The following PARVB variants were observed in gnomAD, a reference collection of about 807,000 sequenced individuals.
The protein encoded by PARVB is parvin beta, also known as beta-parvin.
A neutral mutation model predicts 47.0 loss-of-function variants in PARVB; 46 were observed. The ratio of observed to expected loss-of-function variants is 0.98; its 90% CI spans 0.77 to 1.25. The LOEUF is 1.25. Ranked by LOEUF, PARVB falls within the 50% of genes most tolerant of loss-of-function variation. PARVB has a pLI of 0.00. For synonymous variants in PARVB, 196 were observed against 196.3 expected, an observed-to-expected ratio of 1.00 and a Z score of 0.01; for missense variants, 473 against 471.6, an observed-to-expected ratio of 1.00 and a Z score of -0.03.
At chr22:44,111,212 TA>T (rs2052688780) in intron 3 of PARVB, 1 of 152,212 alleles carries the variant, frequency 6.6e-6, no homozygotes, top group Admixed American at 6.5e-5. Context: ...CCGGGTCATA[TA>T]GTGTGCACAG....
intron 1 of PARVB, among the ~76,000 whole-genome samples, chr22:44,076,137 C>T (rs1336407895): frequency 1.3e-5 from 2 of 152,224 alleles, no homozygotes; most frequent in East Asian, 3.9e-4. Context: ...GCGCTCAGCC[C>T]CTCAATGCTA....
intron 7 of PARVB, among the ~76,000 whole-genome samples, chr22:44,137,098 C>G (rs2053455639): frequency 6.6e-6 from 1 of 152,256 alleles, no homozygotes; most frequent in Non-Finnish European, 1.5e-5. Flanking sequence ...TGCCTCTTGA[C>G]TAAACCTGTT....
At position 44,103,769 on chromosome 22, in the gene PARVB, T is replaced by C. The variant is rs1026293000; in HGVS notation, c.273+3646T>C. On this transcript the variant is annotated intron_variant, in intron 3 of 12. Transcript: ENST00000338758. This position sits in a 1 kb window ranked among gnomAD's most constrained non-coding sequence, Gnocchi z 4.6. ...GAGGCAAGGTGGTAGCTTCTGGCTC[T>C]GAAGATGGAAGAAGGGGCCATGCAC... The C allele has an allele frequency of 6.6e-6, 1 of 152,226 alleles. No homozygotes were observed. The highest frequency in any genetic ancestry group is 2.4e-5 in the African/African-American group (1 of 41,452). 9.4% of individuals were successfully genotyped at this position (152,226 alleles called of 1,614,324 possible).
chr22:44,151,998 A>G (rs2053820974), intron 10 of PARVB: 2 of 173,396 alleles, frequency 1.2e-5, no homozygotes. Flanking sequence ...CTCTGTGTCC[A>G]AATGTCCCCC....
intron 12 of PARVB, among the ~76,000 whole-genome samples, chr22:44,164,960 A>G (rs937253697): frequency 6.6e-6 from 1 of 151,748 alleles, no homozygotes; most frequent in African/African-American, 2.4e-5. Flanking sequence ...TCACAGGACA[A>G]TTTCACACCC....
Position 44,168,706 on chromosome 22 carries a change from T to C in PARVB, c.*28T>C. The C allele has an allele frequency of 2.0e-6, 3 of 1,502,906 alleles. No individual in the cohort carries two copies. The highest frequency in any genetic ancestry group is 2.8e-6 in the Non-Finnish European group (3 of 1,079,352). The allele number at this position is 1,502,906 out of a possible 1,614,324, so 93.1% of individuals were successfully genotyped here. A position where few individuals can be genotyped will look rare whatever the true frequency, so the allele number is the denominator to read the frequency against. On this transcript the variant is annotated 3_prime_UTR_variant, in exon 13 of 13. Transcript: ENST00000338758. ...GGGGAGCTGTGGATGGTGGCAGGAG[T>C]GTCCCAGCAAGAAAGGCGGCATCCG...
At chr22:44,157,327 C>T (rs1271301553) in intron 10 of PARVB, among the ~76,000 whole-genome samples, 1 of 152,186 alleles carries the variant, frequency 6.6e-6, no homozygotes, top group Non-Finnish European at 1.5e-5. Flanking sequence ...CACGACAGCC[C>T]TGAATGATGG....
intron 3 of PARVB, chr22:44,106,138 G>GTTTTTTTTTT (rs959620356): frequency 1.4e-5 from 1 of 69,320 alleles, no homozygotes; most frequent in Non-Finnish European, 2.6e-5. Context: ...AGCCAGATGT[G>GTTTTTTTTTT]TTTTTTTTTT....
Position 44,125,013 on chromosome 22 carries a change from C to G in PARVB, c.376+5873C>G, listed in dbSNP as rs553386052. 5.1e-4 allele frequency among the ~76,000 whole-genome samples: 77 copies of G among 151,752 alleles called. 1 individual carries two copies. Among genetic ancestry groups the G allele is most frequent in the South Asian group, 1.7e-3 (8 of 4,798 alleles). ...GCACACTCTGCACAAATGGCTCTTACAGACCAGCTCTTGGAGGGAAACCTC... is the reference window on the plus strand; with the variant it reads ...GCACACTCTGCACAAATGGCTCTTAGAGACCAGCTCTTGGAGGGAAACCTC... On this transcript the variant is annotated intron_variant, in intron 4 of 12. Transcript: ENST00000338758. This position sits in a 1 kb window ranked among gnomAD's most constrained non-coding sequence, Gnocchi z 4.1.
chr22:44,019,015 C>G, intron 2 of PARVB, among the ~76,000 whole-genome samples: 1 of 150,908 alleles, frequency 6.6e-6, no homozygotes. Flanking sequence ...CCTCCAGGTT[C>G]AAGCGATTCT....
intron 12 of PARVB, among the ~76,000 whole-genome samples, chr22:44,167,060 G>A (rs2054183789): frequency 6.6e-6 from 1 of 152,184 alleles, no homozygotes. Flanking sequence ...CCCTGCACGT[G>A]GGCGGGTCTG....
intron 3 of PARVB, chr22:44,104,206 A>G (rs2052516805): frequency 6.6e-6 from 1 of 152,216 alleles, no homozygotes; most frequent in African/African-American, 2.4e-5. Flanking sequence ...ACCAGCCTGG[A>G]GCACGTGTTT....
chr22:44,015,435 A>G lies in PARVB; in HGVS notation c.211+15762A>G, dbSNP rs2050565960. 2.6e-5 allele frequency among the ~76,000 whole-genome samples: 4 copies of G among 152,144 alleles called. No individual in the cohort carries two copies. In the South Asian group the frequency reaches 8.3e-4, roughly 32 times the overall value. ...GGGGCCAGGCGTACCCAACATGAAG[A>G]CTCCATCTTTCCTTTTCTGTTGTTA... On this transcript the variant is annotated intron_variant, in intron 2 of 13. Coordinates refer to the PARVB transcript ENST00000406477.
chr22:44,159,832 A>G (rs139074), intron 11 of PARVB, among the ~76,000 whole-genome samples: 4 of 151,872 alleles, frequency 2.6e-5, no homozygotes, highest in Admixed American at 6.6e-5. Context: ...TGGGATGTTG[A>G]TGGCATCCCT....
intron 1 of PARVB, among the ~76,000 whole-genome samples, chr22:44,048,584 C>T (rs1045882860): frequency 1.7e-4 from 26 of 151,480 alleles, no homozygotes; most frequent in South Asian, 1.0e-3. Context: ...TTTTTTGAGA[C>T]GGAGTCTTGC....
chr22:44,016,550 C>A (rs2050585466), intron 2 of PARVB, among the ~76,000 whole-genome samples: 1 of 152,186 alleles, frequency 6.6e-6, no homozygotes, highest in African/African-American at 2.4e-5. Flanking sequence ...CAAGTGTAAA[C>A]ATGAAATTCG....
chr22:44,153,472 G>A (rs1027676055), intron 10 of PARVB: 4 of 152,044 alleles, frequency 2.6e-5, no homozygotes, highest in African/African-American at 9.7e-5. Context: ...GGGACTACAG[G>A]TGCGCCTCAC....
At chr22:44,001,982 A>C (rs1371771930) in intron 2 of PARVB, among the ~76,000 whole-genome samples, 1 of 138,596 alleles carries the variant, frequency 7.2e-6, no homozygotes, top group Admixed American at 7.3e-5. Context: ...TTGCTGCTTC[A>C]TTCATGAGCG....
chr22:44,010,883 A>T (rs2050515017), intron 2 of PARVB, among the ~76,000 whole-genome samples: 1 of 150,152 alleles, frequency 6.7e-6, no homozygotes. Context: ...ATTAGGCACC[A>T]TGCCTATTTT....
Sources: gnomAD v4.1 joint callset for allele counts (sites outside exome capture counted in the v4.1 genomes callset) on GRCh38, gnomAD v4.1.1 for gene constraint, Gnocchi (gnomAD v3.1) non-coding constraint, MANE v1.5 for transcripts, NCBI Gene and HGNC (gene_info 2026-07-23, HGNC 2026-07-21) for gene names.